Variants in TAFA2 observed in about 807,000 individuals in gnomAD.
The protein encoded by TAFA2 is TAFA chemokine like family member 2, also known as chemokine-like protein TAFA-2.
Under a neutral mutation model 18.8 loss-of-function variants are expected in TAFA2, and 7 were observed. The ratio of observed to expected loss-of-function variants is 0.37; its 90% CI spans 0.21 to 0.70. The LOEUF is 0.70. Among genes scored for constraint, TAFA2 ranks in the 30% least tolerant of loss-of-function variants. The probability of loss-of-function intolerance (pLI) is 0.53; values close to 1 mark genes in which losing one functional copy is unlikely to be tolerated. For missense variants in TAFA2, 122 were observed against 158.1 expected (o/e 0.77, Z 1.23); for synonymous variants, 60 against 54.2 (o/e 1.11, Z -0.47).
At chr12:61,785,798 A>T (rs1870714860) in intron 2 of TAFA2, among the ~76,000 whole-genome samples, 1 of 151,648 alleles carries the variant, frequency 6.6e-6, no homozygotes. Context: ...TCAGCTAATG[A>T]CACATTTCTC....
At chr12:62,210,347 T>C (rs764239170) in intron 1 of TAFA2, among the ~76,000 whole-genome samples, 1 of 152,196 alleles carries the variant, frequency 6.6e-6, no homozygotes, top group African/African-American at 2.4e-5. Flanking sequence ...TCCAGAAAGC[T>C]TAAGTTTAAA....
chr12:62,247,975 G>A (rs1333092123), intron 1 of TAFA2, among the ~76,000 whole-genome samples: 1 of 152,002 alleles, frequency 6.6e-6, no homozygotes, highest in African/African-American at 2.4e-5. Flanking sequence ...TCCTTTTGAT[G>A]CAGAATTTTT....
rs1872557294 is a variant in TAFA2 at position 61,827,007 on chromosome 12, TC to T, written c.106+40312del. On this transcript the variant is annotated intron_variant, in intron 2 of 4. Coordinates refer to ENST00000416284, the MANE Select transcript of TAFA2 (RefSeq NM_178539.5). Reference sequence around the variant, plus strand: ...GCCCTCCTTCTATAATAATAGAACTTCCCAATCTTTAGCTGGGCATATAACC... The same window carrying T: ...GCCCTCCTTCTATAATAATAGAACTTCCAATCTTTAGCTGGGCATATAACC... 9 of 152,142 alleles carry T rather than the reference TC, an allele frequency of 5.9e-5. No individual in the cohort carries two copies. The South Asian group carries it at 1.7e-3, about 28-fold the overall frequency. 9.4% of individuals were successfully genotyped at this position (152,142 alleles called of 1,614,324 possible).
chr12:61,921,219 G>T (rs1004923486), intron 1 of TAFA2, among the ~76,000 whole-genome samples: 2 of 152,190 alleles, frequency 1.3e-5, no homozygotes, highest in Non-Finnish European at 2.9e-5. Flanking sequence ...ATCCTGCCAG[G>T]TACATTGAGA....
At chr12:62,028,924 A>G (rs2136742173) in intron 1 of TAFA2, among the ~76,000 whole-genome samples, 1 of 152,282 alleles carries the variant, frequency 6.6e-6, no homozygotes. Context: ...AATATCTGCC[A>G]TTTACTATCT....
intron 2 of TAFA2, among the ~76,000 whole-genome samples, chr12:61,768,603 T>C (rs923920314): frequency 6.6e-6 from 1 of 152,096 alleles, no homozygotes; most frequent in Non-Finnish European, 1.5e-5. Flanking sequence ...TGACCTTACC[T>C]GGAGCTGAGA....
chr12:61,729,990 G>A (rs937760724), intron 4 of TAFA2, among the ~76,000 whole-genome samples: 3 of 152,078 alleles, frequency 2.0e-5, no homozygotes, highest in Admixed American at 2.0e-4. Context: ...GACTGTTATT[G>A]CTCTTCTGGA....
intron 2 of TAFA2, among the ~76,000 whole-genome samples, chr12:61,865,198 A>C (rs920290036): frequency 1.3e-5 from 2 of 152,188 alleles, no homozygotes; most frequent in African/African-American, 2.4e-5. Flanking sequence ...GAATGTAACT[A>C]TATCCTTCCA....
intron 4 of TAFA2, among the ~76,000 whole-genome samples, chr12:61,749,995 A>AC (rs1868934832): frequency 6.9e-6 from 1 of 145,740 alleles, no homozygotes; most frequent in African/African-American, 2.6e-5. Flanking sequence ...AAAACACCCC[A>AC]CACACACACA....
rs776737585 is a variant in TAFA2, at chr12:61,799,685, G to A, written c.107-44661C>T. Among the ~76,000 whole-genome samples the A allele has an allele frequency of 1.5e-3, 228 of 152,218 alleles. 1 individual carries two copies. The highest frequency in any genetic ancestry group is 2.9e-3 in the Non-Finnish European group (195 of 68,020). ...AAAATACAAAAAATTAGCCGGGCGT[G>A]GTGGCTGGCGCCTGTAGTCCCAGCT... is the stretch of plus-strand genomic sequence containing the variant. On this transcript the variant is annotated intron_variant, in intron 2 of 4. Transcript: ENST00000416284.
At chr12:61,965,453 C>T (rs1389736577) in intron 1 of TAFA2, among the ~76,000 whole-genome samples, 11 of 151,816 alleles carry the variant, frequency 7.2e-5, no homozygotes, top group African/African-American at 1.7e-4. Flanking sequence ...TAGCAGAGCA[C>T]GGAATATTTG....
At chr12:62,066,126 C>CGTGTGTGTGT (rs3221978) in intron 1 of TAFA2, among the ~76,000 whole-genome samples, 2,885 of 145,544 alleles carry the variant, frequency 0.02, 100 homozygotes, top group African/African-American at 0.066. Context: ...CTGAAACAGC[C>CGTGTGTGTGT]GTGTGTGTGT....
chr12:62,014,044 G>C (rs1296753459), intron 1 of TAFA2, among the ~76,000 whole-genome samples: 1 of 152,120 alleles, frequency 6.6e-6, no homozygotes, highest in African/African-American at 2.4e-5. Flanking sequence ...TGATATCTTA[G>C]TGAACTACTG....
intron 1 of TAFA2, among the ~76,000 whole-genome samples, chr12:62,241,441 A>C (rs1367041906): frequency 6.6e-6 from 1 of 152,236 alleles, no homozygotes; most frequent in Non-Finnish European, 1.5e-5. Context: ...TTACCAGGCA[A>C]ATGATGGCTG....
At chr12:62,040,936 T>A (rs902246947) in intron 1 of TAFA2, among the ~76,000 whole-genome samples, 8 of 152,256 alleles carry the variant, frequency 5.3e-5, no homozygotes, top group Middle Eastern at 3.4e-3. Context: ...CAACAGGCCA[T>A]GTGATTAGGA....
chr12:61,725,829 C>T (rs1011457193), intron 4 of TAFA2, among the ~76,000 whole-genome samples: 1 of 151,840 alleles, frequency 6.6e-6, no homozygotes, highest in Non-Finnish European at 1.5e-5. Flanking sequence ...TGGAAAACCA[C>T]ACATCGTATG....
intron 4 of TAFA2, chr12:61,720,675 C>A (rs1869854278): frequency 5.8e-6 from 2 of 347,576 alleles, no homozygotes; most frequent in Non-Finnish European, 1.1e-5. Context: ...CCTGTTAGCA[C>A]CATGTACACA....
At chr12:62,207,322 T>C (rs1240401829) in intron 1 of TAFA2, 2 of 152,198 alleles carry the variant, frequency 1.3e-5, no homozygotes, top group African/African-American at 4.8e-5. Context: ...ATGGCCACAT[T>C]TATTTTAATA....
chr12:61,892,381 G>A (rs1232321602), intron 1 of TAFA2, among the ~76,000 whole-genome samples: 1 of 152,144 alleles, frequency 6.6e-6, no homozygotes, highest in African/African-American at 2.4e-5. Flanking sequence ...TTAACTTCTA[G>A]AGCACATAGA....
Sources: gnomAD v4.1 joint callset for allele counts (sites outside exome capture counted in the v4.1 genomes callset) on GRCh38, gnomAD v4.1.1 for gene constraint, MANE v1.5 for transcripts, NCBI Gene and HGNC (gene_info 2026-07-23, HGNC 2026-07-21) for gene names.